IKZF1: variants seen among roughly 807,000 people sequenced by gnomAD.
IKZF1 encodes the protein DNA-binding protein Ikaros.
IKZF1 carries 10 observed loss-of-function variants against 51.7 expected under a neutral mutation model. That is an observed-to-expected ratio of 0.19 (90% CI 0.12 to 0.33). The LOEUF (loss-of-function observed/expected upper bound fraction) is 0.33. Ranked by LOEUF, IKZF1 falls within the 10% of genes least tolerant of loss-of-function variation. The probability of loss-of-function intolerance (pLI) is 1.00; values close to 1 mark genes in which losing one functional copy is unlikely to be tolerated. For missense variants in IKZF1, 484 were observed against 707.5 expected (o/e 0.68, Z 3.58); for synonymous variants, 280 against 282.3 (o/e 0.99, Z 0.08).
chr7:50,370,459 A>T lies in IKZF1; in HGVS notation c.161-6074A>T, dbSNP rs191261784. 4.5e-3 allele frequency among the ~76,000 whole-genome samples: 686 copies of T among 152,314 alleles called. 1 individual carries two copies. The highest frequency in any genetic ancestry group is 7.3e-3 in the Non-Finnish European group (499 of 68,030). ...TTCCTTGGATTCTCCAGATTCTTCAATCCAAACTTGTCTATCTACCAAAGT... is the reference window on the plus strand; with the variant it reads ...TTCCTTGGATTCTCCAGATTCTTCATTCCAAACTTGTCTATCTACCAAAGT... On this transcript the variant is annotated intron_variant, in intron 3 of 7. Transcript: ENST00000331340.
chr7:50,338,531 G>A (rs1798317056), intron 3 of IKZF1, among the ~76,000 whole-genome samples: 1 of 152,318 alleles, frequency 6.6e-6, no homozygotes, highest in Admixed American at 6.5e-5. Flanking sequence ...GGGGGGTTGA[G>A]CTGTGGTTGC....
chr7:50,366,891 A>G (rs559958324), intron 3 of IKZF1, among the ~76,000 whole-genome samples: 54 of 152,298 alleles, frequency 3.5e-4, no homozygotes, highest in African/African-American at 1.3e-3. Context: ...TATGGAGGCA[A>G]TCAGTTTATG....
intron 3 of IKZF1, among the ~76,000 whole-genome samples, chr7:50,355,488 C>T (rs926890747): frequency 1.3e-5 from 2 of 152,170 alleles, no homozygotes; most frequent in African/African-American, 4.8e-5. Flanking sequence ...CTCTGCAGGG[C>T]CACACCATCC....
chr7:50,369,451 C>T, intron 3 of IKZF1: 1 of 398,462 alleles, frequency 2.5e-6, no homozygotes. Flanking sequence ...CTTGGATATG[C>T]TTTCTGTCTA....
chr7:50,357,574 C>T (rs1803840259), intron 3 of IKZF1, among the ~76,000 whole-genome samples: 1 of 152,196 alleles, frequency 6.6e-6, no homozygotes, highest in Non-Finnish European at 1.5e-5. Flanking sequence ...TTCGGTGCAT[C>T]TTCCTCCTGC....
intron 3 of IKZF1, among the ~76,000 whole-genome samples, chr7:50,345,824 G>A (rs2153423282): frequency 6.6e-6 from 1 of 152,328 alleles, no homozygotes; most frequent in South Asian, 2.1e-4. Flanking sequence ...GATCACTTGA[G>A]GTCAGGAGTT....
At chr7:50,332,470 G>A (rs1009038766) in intron 3 of IKZF1, among the ~76,000 whole-genome samples, 1 of 152,150 alleles carries the variant, frequency 6.6e-6, no homozygotes, top group Non-Finnish European at 1.5e-5. Context: ...CAGGGGAGGC[G>A]TTTGGGTGGG....
chr7:50,382,637 C>T lies in IKZF1; in HGVS notation c.519C>T (p.Phe173=). ...HIKLHSGEKP[F]KCHLCNYACR... ...AGCTGCATTCCGGGGAGAAGCCCTT[C>T]AAATGCCACCTCTGCAACTACGCCT... Residue 173 remains phenylalanine (F), a synonymous_variant, in exon 5 of 8, where the codon TTC becomes TTT. Transcript: ENST00000331340. 6.2e-7 allele frequency: 1 copy of T among 1,613,440 alleles called. No homozygotes were observed. Among genetic ancestry groups the T allele is most frequent in the Non-Finnish European group, 8.5e-7 (1 of 1,179,894 alleles).
At chr7:50,381,653 C>T (rs1378524892) in intron 4 of IKZF1, among the ~76,000 whole-genome samples, 1 of 152,186 alleles carries the variant, frequency 6.6e-6, no homozygotes, top group Non-Finnish European at 1.5e-5. Flanking sequence ...TGAAAGAATT[C>T]CTTCATAACA....
At chr7:50,359,437 C>T (rs1480618079) in intron 3 of IKZF1, among the ~76,000 whole-genome samples, 2 of 152,160 alleles carry the variant, frequency 1.3e-5, no homozygotes, top group Non-Finnish European at 2.9e-5. Context: ...AGCTGGCAGG[C>T]GGGGGAATGT....
chr7:50,332,270 C>T (rs1796590543), intron 3 of IKZF1, among the ~76,000 whole-genome samples: 3 of 152,152 alleles, frequency 2.0e-5, no homozygotes, highest in East Asian at 1.9e-4. Flanking sequence ...ATTTTCTTCC[C>T]GTATTCAGTA....
intron 2 of IKZF1, 64 bp downstream of exon 2, chr7:50,319,165 C>T (rs756200899): frequency 1.2e-4 from 172 of 1,408,424 alleles, no homozygotes; most frequent in Non-Finnish European, 1.1e-4. Context: ...GGCCGGAAGT[C>T]ACAGTGCTTG....
intron 5 of IKZF1, among the ~76,000 whole-genome samples, chr7:50,385,917 A>G (rs909171048): frequency 1.3e-5 from 2 of 152,228 alleles, no homozygotes. Context: ...CGAGAAGTCA[A>G]ATTTTGGCTT....
At chr7:50,315,506 C>T (rs937323822) in intron 1 of IKZF1, among the ~76,000 whole-genome samples, 1 of 152,206 alleles carries the variant, frequency 6.6e-6, no homozygotes, top group African/African-American at 2.4e-5. Flanking sequence ...AGATTCAGAA[C>T]TGCATGCTCC....
chr7:50,377,568 C>T (rs1810633216), intron 4 of IKZF1, among the ~76,000 whole-genome samples: 1 of 152,244 alleles, frequency 6.6e-6, no homozygotes, highest in Admixed American at 6.5e-5. Flanking sequence ...CCCAGCTGGC[C>T]GCGCTCTGCC....
intron 3 of IKZF1, chr7:50,368,506 T>C (rs116197220): frequency 2.3e-4 from 133 of 588,482 alleles, no homozygotes; most frequent in African/African-American, 1.9e-3. Flanking sequence ...GGTTCTGGAG[T>C]ATTAATTTCA....
At position 50,400,483 on chromosome 7, in the gene IKZF1, G is replaced by C. The variant is rs369930660; in HGVS notation, c.1416G>C (p.Leu472=). Residue 472 remains leucine, a synonymous_variant, in exon 8 of 8, where the codon CTG becomes CTC. Coordinates refer to ENST00000331340, the MANE Select transcript of IKZF1 (RefSeq NM_006060.6). This position sits in a 1 kb window ranked among gnomAD's most constrained non-coding sequence, Gnocchi z 5.4. ...YKCEHCRVLF[L]DHVMYTIHMG... is the part of the protein sequence containing the mutation. ...GCGAACACTGCCGGGTGCTCTTCCT[G>C]GATCACGTCATGTACACCATCCACA... The C allele has an allele frequency of 1.9e-6, 3 of 1,613,942 alleles. No individual in the cohort carries two copies. The highest frequency in any genetic ancestry group is 1.3e-5 in the African/African-American group (1 of 74,940).
intron 3 of IKZF1, among the ~76,000 whole-genome samples, chr7:50,372,074 G>C (rs973559412): frequency 1.2e-4 from 19 of 152,140 alleles, no homozygotes; most frequent in African/African-American, 4.6e-4. Context: ...ATCTGTAGTT[G>C]CAACTTATGA....
At chr7:50,348,866 T>C (rs919890343) in intron 3 of IKZF1, among the ~76,000 whole-genome samples, 6 of 152,116 alleles carry the variant, frequency 3.9e-5, no homozygotes, top group African/African-American at 1.4e-4. Flanking sequence ...CCACTGGCCG[T>C]GGGGCAGTTT....
Sources: gnomAD v4.1 joint callset for allele counts (sites outside exome capture counted in the v4.1 genomes callset) on GRCh38, gnomAD v4.1.1 for gene constraint, Gnocchi (gnomAD v3.1) non-coding constraint, MANE v1.5 for transcripts, NCBI Gene and HGNC (gene_info 2026-07-23, HGNC 2026-07-21) for gene names.